RUNDC3B: variants seen among roughly 807,000 people sequenced by gnomAD.
RUNDC3B encodes RUN domain-containing protein 3B.
Under a neutral mutation model 58.4 loss-of-function variants are expected in RUNDC3B, and 33 were observed. The observed-to-expected ratio is 0.56, with a 90% CI of 0.43 to 0.75. The LOEUF (loss-of-function observed/expected upper bound fraction) is 0.75. Ranked by LOEUF, RUNDC3B falls within the 30% of genes least tolerant of loss-of-function variation. RUNDC3B has a pLI of 0.00. For missense variants in RUNDC3B, 501 were observed against 535.7 expected (o/e 0.94, Z 0.64); for synonymous variants, 193 against 195.2 (o/e 0.99, Z 0.10).
At chr7:87,711,043 T>C (rs1010858416) in intron 4 of RUNDC3B, among the ~76,000 whole-genome samples, 5 of 152,066 alleles carry the variant, frequency 3.3e-5, no homozygotes, top group Admixed American at 6.6e-5. Flanking sequence ...AGAATATACA[T>C]TGGCCGGGCA....
intron 3 of RUNDC3B, chr7:87,709,140 C>A: frequency 5.0e-6 from 2 of 400,756 alleles, no homozygotes; most frequent in Non-Finnish European, 6.8e-6. Context: ...ATTCCATACA[C>A]ATTCAAATAC....
At chr7:87,798,890 CTTCTTTCAGTATGTT>C (rs1436889504) in intron 8 of RUNDC3B, among the ~76,000 whole-genome samples, 1 of 152,118 alleles carries the variant, frequency 6.6e-6, no homozygotes, top group Non-Finnish European at 1.5e-5. Context: ...TTTAAGGTTG[CTTCTTTCAGTATGTT>C]TTCTTTAAAG....
chr7:87,726,901 TG>T (rs1232309049), intron 4 of RUNDC3B, among the ~76,000 whole-genome samples: 1 of 152,136 alleles, frequency 6.6e-6, no homozygotes, highest in Non-Finnish European at 1.5e-5. Context: ...CTGTTATTGG[TG>T]TATAAGAATG....
chr7:87,747,662 TG>T (rs1832725250), intron 6 of RUNDC3B, among the ~76,000 whole-genome samples: 1 of 152,070 alleles, frequency 6.6e-6, no homozygotes, highest in East Asian at 1.9e-4. Flanking sequence ...TTGCTATGGC[TG>T]CTGTTGGGGA....
intron 1 of RUNDC3B, among the ~76,000 whole-genome samples, chr7:87,644,816 T>C (rs1467980720): frequency 6.6e-6 from 1 of 151,972 alleles, no homozygotes; most frequent in Non-Finnish European, 1.5e-5. Context: ...ATTTTCACTA[T>C]AAAAATAATT....
intron 6 of RUNDC3B, among the ~76,000 whole-genome samples, chr7:87,758,791 C>G (rs1287827466): frequency 6.6e-6 from 1 of 152,146 alleles, no homozygotes; most frequent in Non-Finnish European, 1.5e-5. Flanking sequence ...TCATCTCACT[C>G]TAGTTAAAAT....
At chr7:87,685,540 T>C (rs889738902) in intron 2 of RUNDC3B, among the ~76,000 whole-genome samples, 1 of 152,284 alleles carries the variant, frequency 6.6e-6, no homozygotes, top group South Asian at 2.1e-4. Context: ...ACAACATGTA[T>C]AAATGTCAGA....
intron 10 of RUNDC3B, among the ~76,000 whole-genome samples, chr7:87,822,020 C>A (rs1837481961): frequency 6.6e-6 from 1 of 151,734 alleles, no homozygotes; most frequent in South Asian, 2.1e-4. Context: ...GCAATGGCAA[C>A]AAAAGCCAAA....
intron 2 of RUNDC3B, among the ~76,000 whole-genome samples, chr7:87,693,674 C>T (rs892029805): frequency 1.3e-5 from 2 of 152,182 alleles, no homozygotes; most frequent in African/African-American, 2.4e-5. Flanking sequence ...TTTTGACTTA[C>T]AGACACCTTA....
intron 3 of RUNDC3B, among the ~76,000 whole-genome samples, chr7:87,705,827 T>G (rs1173903493): frequency 6.6e-6 from 1 of 152,210 alleles, no homozygotes; most frequent in Non-Finnish European, 1.5e-5. Flanking sequence ...CAATTGAATC[T>G]TTAGTTACCA....
intron 4 of RUNDC3B, among the ~76,000 whole-genome samples, chr7:87,732,194 T>A (rs1328724639): frequency 2.6e-5 from 4 of 151,916 alleles, no homozygotes; most frequent in Admixed American, 6.6e-5. Context: ...GAAGAAAATT[T>A]AAAAAAACAA....
chr7:87,817,602 T>C (rs12704371), intron 10 of RUNDC3B, among the ~76,000 whole-genome samples: 232 of 152,330 alleles, frequency 1.5e-3, no homozygotes, highest in Middle Eastern at 3.4e-3. Flanking sequence ...AGCTTCTTTC[T>C]TAAGGCCTTT....
chr7:87,741,584 G>A lies in RUNDC3B; in HGVS notation c.629+5G>A. ...ATATTTGAAGTATATCCAAAGGTAT[G>A]TGACATTTTGAGATATGTTTTTTAA... is the stretch of plus-strand genomic sequence containing the variant. On this transcript the variant is annotated splice_donor_5th_base_variant and intron_variant, in intron 6 of 10. Coordinates refer to ENST00000394654, the MANE Select transcript of RUNDC3B (RefSeq NM_001134405.2). 6.7e-7 allele frequency: 1 copy of A among 1,491,926 alleles called. No homozygotes were observed. Among genetic ancestry groups the A allele is most frequent in the Non-Finnish European group, 9.2e-7 (1 of 1,084,678 alleles). 92.4% of individuals were successfully genotyped at this position (1,491,926 alleles called of 1,614,324 possible). A position where few individuals can be genotyped will look rare whatever the true frequency, so the allele number is the denominator to read the frequency against.
intron 2 of RUNDC3B, among the ~76,000 whole-genome samples, chr7:87,672,053 C>T (rs1825872146): frequency 6.6e-6 from 1 of 152,158 alleles, no homozygotes; most frequent in Non-Finnish European, 1.5e-5. Context: ...CTGGTCTGCT[C>T]AGACTCTCCA....
At chr7:87,679,428 A>T (rs1025879355) in intron 2 of RUNDC3B, among the ~76,000 whole-genome samples, 6 of 148,950 alleles carry the variant, frequency 4.0e-5, no homozygotes, top group Admixed American at 2.0e-4. Context: ...TCACCCTGTC[A>T]CCCAGGTTGG....
At chr7:87,731,227 C>T (rs1290788968) in intron 4 of RUNDC3B, among the ~76,000 whole-genome samples, 5 of 152,006 alleles carry the variant, frequency 3.3e-5, no homozygotes, top group African/African-American at 7.2e-5. Context: ...ATGATCTCAC[C>T]GAATGAACTA....
chr7:87,812,857 T>C (rs1320239843), intron 9 of RUNDC3B, among the ~76,000 whole-genome samples: 1 of 152,182 alleles, frequency 6.6e-6, no homozygotes, highest in Non-Finnish European at 1.5e-5. Flanking sequence ...TAGGGCTTAG[T>C]TATGGCCTTA....
chr7:87,631,013 G>A (rs1300871948), intron 1 of RUNDC3B, among the ~76,000 whole-genome samples: 1 of 152,158 alleles, frequency 6.6e-6, no homozygotes, highest in Non-Finnish European at 1.5e-5. Flanking sequence ...ACTGTGAAAT[G>A]AATATGTGCT....
intron 1 of RUNDC3B, among the ~76,000 whole-genome samples, chr7:87,641,720 A>T (rs1822475597): frequency 6.6e-6 from 1 of 152,210 alleles, no homozygotes; most frequent in African/African-American, 2.4e-5. Context: ...AAAATATTTT[A>T]TGAAAGAAAG....
Sources: gnomAD v4.1 joint callset for allele counts (sites outside exome capture counted in the v4.1 genomes callset) on GRCh38, gnomAD v4.1.1 for gene constraint, MANE v1.5 for transcripts, NCBI Gene and HGNC (gene_info 2026-07-23, HGNC 2026-07-21) for gene names.